NRIP1: variants seen among roughly 807,000 people sequenced by gnomAD.
The protein encoded by NRIP1 is nuclear receptor-interacting protein 1.
A neutral mutation model predicts 75.0 loss-of-function variants in NRIP1; 28 were observed. The ratio of observed to expected loss-of-function variants is 0.37; its 90% CI spans 0.28 to 0.51. The LOEUF (loss-of-function observed/expected upper bound fraction) is 0.51, where lower values mean the gene tolerates loss of function less well. Among genes scored for constraint, NRIP1 ranks in the 20% least tolerant of loss-of-function variants. NRIP1 has a pLI of 0.92. For missense variants in NRIP1, 1,435 were observed against 1,343.7 expected (o/e 1.07, Z -1.06); for synonymous variants, 526 against 487.6 (o/e 1.08, Z -1.04).
chr21:15,021,203 C>CA (rs569064899), intron 2 of NRIP1, among the ~76,000 whole-genome samples: 305 of 151,842 alleles, frequency 2.0e-3, no homozygotes, highest in African/African-American at 6.6e-3. Context: ...GTGTAACCAA[C>CA]AAAAAAAGGG....
chr21:14,979,123 T>A (rs1237133982), intron 3 of NRIP1, among the ~76,000 whole-genome samples: 1 of 152,172 alleles, frequency 6.6e-6, no homozygotes, highest in East Asian at 1.9e-4. Context: ...AAATAATCAT[T>A]AACAAATTAT....
intron 2 of NRIP1, among the ~76,000 whole-genome samples, chr21:15,018,576 TGA>T (rs763032964): frequency 6.6e-6 from 1 of 152,144 alleles, no homozygotes; most frequent in Non-Finnish European, 1.5e-5. Flanking sequence ...CTTAAGGAAC[TGA>T]GAGATGACCA....
At chr21:15,065,024 G>T (rs1017143049), upstream of NRIP1, 1 of 154,086 alleles carries the variant, frequency 6.5e-6, no homozygotes, top group Non-Finnish European at 1.4e-5. Flanking sequence ...TGAGCGCCTC[G>T]CTCACCGCCC....
At chr21:14,971,437 T>C (rs1422015126) in intron 3 of NRIP1, 3 of 152,240 alleles carry the variant, frequency 2.0e-5, no homozygotes, top group African/African-American at 4.8e-5. Flanking sequence ...TATTCAATTG[T>C]TTATTTCATT....
intron 2 of NRIP1, among the ~76,000 whole-genome samples, chr21:15,031,592 CGG>C (rs1568994460): frequency 1.3e-4 from 16 of 123,394 alleles, no homozygotes; most frequent in African/African-American, 5.2e-4. Context: ...GGAAGGCGCT[CGG>C]AGGATCACCA....
chr21:15,021,978 C>A (rs560566394), intron 2 of NRIP1, among the ~76,000 whole-genome samples: 6 of 152,062 alleles, frequency 3.9e-5, no homozygotes, highest in Non-Finnish European at 8.8e-5. Flanking sequence ...TGGAAGACAG[C>A]GTGGCAAGTC....
chr21:15,006,836 A>G (rs2087984956), intron 3 of NRIP1, among the ~76,000 whole-genome samples: 2 of 152,158 alleles, frequency 1.3e-5, no homozygotes, highest in Admixed American at 6.5e-5. Flanking sequence ...GTGCCAAAGG[A>G]GAGAGAGTAT....
chr21:15,065,486 T>A (rs1054516316), upstream of NRIP1, among the ~76,000 whole-genome samples: 5 of 151,790 alleles, frequency 3.3e-5, no homozygotes, highest in Non-Finnish European at 4.4e-5. Flanking sequence ...CCCCAGACGC[T>A]CCAGGGTCCC....
intron 2 of NRIP1, among the ~76,000 whole-genome samples, chr21:15,041,530 T>C (rs1449684766): frequency 2.6e-5 from 4 of 152,172 alleles, no homozygotes; most frequent in Non-Finnish European, 5.9e-5. Context: ...TTATGATTTC[T>C]TTTCAAAATA....
chr21:14,982,426 G>C (rs1199047556), intron 3 of NRIP1, among the ~76,000 whole-genome samples: 2 of 152,044 alleles, frequency 1.3e-5, no homozygotes, highest in Non-Finnish European at 2.9e-5. Flanking sequence ...AAATACATCA[G>C]ACTTAAAAAT....
chr21:15,063,934 G>A (rs973574866), intron 1 of NRIP1, among the ~76,000 whole-genome samples: 2 of 152,222 alleles, frequency 1.3e-5, no homozygotes, highest in African/African-American at 4.8e-5. Flanking sequence ...CCGCCTCTAA[G>A]ACACAGTTGG....
At chr21:15,058,122 C>T (rs1383909557) in intron 1 of NRIP1, among the ~76,000 whole-genome samples, 1 of 152,178 alleles carries the variant, frequency 6.6e-6, no homozygotes, top group African/African-American at 2.4e-5. Flanking sequence ...CCTTATTCAA[C>T]AGATGCTGCC....
At chr21:15,012,052 T>G (rs971814314) in intron 3 of NRIP1, among the ~76,000 whole-genome samples, 3 of 152,186 alleles carry the variant, frequency 2.0e-5, no homozygotes, top group African/African-American at 7.2e-5. Context: ...TTACTATACT[T>G]AAAAATATAA....
chr21:15,009,659 A>G (rs1419042232), intron 3 of NRIP1, among the ~76,000 whole-genome samples: 3 of 152,240 alleles, frequency 2.0e-5, no homozygotes, highest in African/African-American at 4.8e-5. Context: ...AGGAAGCACA[A>G]TGGCATAGAG....
intron 2 of NRIP1, among the ~76,000 whole-genome samples, chr21:15,026,751 TAC>T (rs1490442900): frequency 6.6e-6 from 1 of 151,934 alleles, no homozygotes; most frequent in Non-Finnish European, 1.5e-5. Flanking sequence ...AAGAAATAAA[TAC>T]ACACAATGGA....
intron 1 of NRIP1, among the ~76,000 whole-genome samples, chr21:15,055,670 T>A (rs2089290036): frequency 6.6e-6 from 1 of 152,150 alleles, no homozygotes; most frequent in South Asian, 2.1e-4. Context: ...TAACACCTGG[T>A]ACACAAACCC....
chr21:14,965,475 A>T lies in NRIP1; in HGVS notation c.2718T>A (p.Asp906Glu), dbSNP rs924102323. 10 of 1,613,896 alleles carry T rather than the reference A, an allele frequency of 6.2e-6. No individual in the cohort carries two copies. The highest frequency in any genetic ancestry group is 8.5e-6 in the Non-Finnish European group (10 of 1,179,936). The part of the protein sequence containing the change: ...NQEELKFSRN[D>E]LEFKYPAGHG... Reference sequence around the variant, plus strand: ...GACCAGCAGGATATTTAAATTCAAGATCATTTCTGCTAAATTTCAGCTCTT... The same window carrying T: ...GACCAGCAGGATATTTAAATTCAAGTTCATTTCTGCTAAATTTCAGCTCTT... Residue 906 changes from aspartate (D) to glutamate (E), a missense_variant, in exon 4 of 4, where the codon GAT (aspartate) becomes GAA (glutamate). By Grantham distance (45) the Asp-to-Glu change is conservative. Coordinates refer to ENST00000318948, the MANE Select transcript of NRIP1 (RefSeq NM_003489.4).
At chr21:14,996,491 C>T (rs1007437503) in intron 3 of NRIP1, among the ~76,000 whole-genome samples, 4 of 152,094 alleles carry the variant, frequency 2.6e-5, no homozygotes, top group African/African-American at 9.7e-5. Flanking sequence ...CGCTAAGATA[C>T]GTCTTTCCCA....
chr21:15,016,686 C>T (rs2088237985), intron 2 of NRIP1, among the ~76,000 whole-genome samples: 1 of 152,030 alleles, frequency 6.6e-6, no homozygotes. Flanking sequence ...AGATCGAGAC[C>T]ATCCTGGCTA....
Sources: allele counts gnomAD v4.1 joint callset (sites outside exome capture counted in the v4.1 genomes callset), GRCh38; gene constraint gnomAD v4.1.1; transcripts MANE v1.5; gene names NCBI Gene and HGNC (gene_info 2026-07-23, HGNC 2026-07-21).